TDRD6: variants seen among roughly 807,000 people sequenced by gnomAD.
TDRD6 encodes tudor domain containing 6.
A neutral mutation model predicts 157.5 loss-of-function variants in TDRD6; 186 were observed. The observed-to-expected ratio is 1.18, with a 90% CI of 1.05 to 1.33. The LOEUF is 1.33. Among genes scored for constraint, TDRD6 ranks in the 40% most tolerant of loss-of-function variants. The pLI, the probability that TDRD6 is intolerant of heterozygous loss-of-function variation, is 0.00. For missense variants in TDRD6, 3,066 were observed against 2,508.0 expected, an observed-to-expected ratio of 1.22 and a Z score of -4.75; for synonymous variants, 1,075 against 945.2, an observed-to-expected ratio of 1.14 and a Z score of -2.52.
At position 46,691,822 on chromosome 6, in the gene TDRD6, AAAAC is replaced by A; in HGVS notation, c.3699_3702del (p.Asn1234Ter). On this transcript the variant is annotated frameshift_variant, in exon 1 of 4. Transcript: ENST00000316081. LOFTEE classifies it high-confidence loss of function. ...ACTCAAACTTTTACAAAGTTTAACA[AAAAC>A]AAACTTAGTCACTCAATATCAAGAC... is the stretch of plus-strand genomic sequence containing the variant. 1.9e-6 allele frequency: 3 copies of A among 1,603,968 alleles called. No individual in the cohort carries two copies. The highest frequency in any genetic ancestry group is 2.7e-5 in the African/African-American group (2 of 74,240).
chr6:46,687,926 G>C lies in TDRD6; in HGVS notation c.-203G>C. 1.3e-6 allele frequency: 1 copy of C among 774,736 alleles called. No homozygotes were observed. Among genetic ancestry groups the C allele is most frequent in the Non-Finnish European group, 1.9e-6 (1 of 529,514 alleles). The allele number at this position is 774,736 out of a possible 1,614,324, so 48.0% of individuals were successfully genotyped here. ...CCTCGGGCGGTTGGAGGGGCTACCGGGTCTTACCAGTCCGTGGCGGGAGTC... is the reference window on the plus strand; with the variant it reads ...CCTCGGGCGGTTGGAGGGGCTACCGCGTCTTACCAGTCCGTGGCGGGAGTC... On this transcript the variant is annotated 5_prime_UTR_variant, in exon 1 of 4. Transcript: ENST00000316081.
chr6:46,702,022 A>G lies in TDRD6; in HGVS notation c.*135A>G. ...AGTTGTCATTTTCAAAAACTTCTAT[A>G]TAGGTGGAAAACAAATTAGGTCTCA... On this transcript the variant is annotated 3_prime_UTR_variant, in exon 4 of 4. Transcript: ENST00000316081. The G allele has an allele frequency of 4.1e-6, 4 of 974,994 alleles. No individual in the cohort carries two copies. The highest frequency in any genetic ancestry group is 6.2e-6 in the Non-Finnish European group (4 of 640,594). 60.4% of individuals were successfully genotyped at this position (974,994 alleles called of 1,614,324 possible).
chr6:46,689,603 A>G lies in TDRD6; in HGVS notation c.1475A>G (p.Gln492Arg). 1 of 1,614,174 alleles carries G rather than the reference A, an allele frequency of 6.2e-7. No individual in the cohort carries two copies. Among genetic ancestry groups the G allele is most frequent in the Non-Finnish European group, 8.5e-7 (1 of 1,180,032 alleles). Residue 492 changes from glutamine (Q) to arginine (R), a missense_variant, in exon 1 of 4, where the codon CAG becomes CGG. By Grantham distance (43) the Gln-to-Arg change is conservative. Transcript: ENST00000316081. Reference protein sequence around the residue: ...RLKMNAFYDAQVEFVKNPSEF... With the variant: ...RLKMNAFYDARVEFVKNPSEF... ...AAGATGAATGCCTTCTACGATGCGC[A>G]GGTAGAGTTTGTTAAAAATCCTTCT...
rs138848441 is a variant in TDRD6 at position 46,690,519 on chromosome 6, A to C, written c.2391A>C (p.Gly797=). The stretch of plus-strand genomic sequence containing the variant: ...GTCAGCTGACCAGGAACATACAAGG[A>C]CTTAAAACTCTAATGTCTGATATTC... ...FWCQLTRNIQ[G]LKTLMSDIQY... The change falls in exon 1 of 4, where the codon GGA becomes GGC. Residue 797 remains glycine (G), a synonymous_variant. Coordinates refer to ENST00000316081, the MANE Select transcript of TDRD6 (RefSeq NM_001010870.3). 1.3e-4 allele frequency: 213 copies of C among 1,614,066 alleles called. No homozygotes were observed. The highest frequency in any genetic ancestry group is 1.7e-4 in the Non-Finnish European group (196 of 1,180,048).
In TDRD6 at chr6:46,692,114, C is replaced by G; in HGVS notation, c.3986C>G (p.Ala1329Gly). The change falls in exon 1 of 4, where the codon GCT becomes GGT. Residue 1329 changes from alanine (A) to glycine (G), a missense_variant. By Grantham distance (60) the Ala-to-Gly change is moderately conservative. Coordinates refer to ENST00000316081, the MANE Select transcript of TDRD6 (RefSeq NM_001010870.3). ...TATGTTCAACTAATAGAAGATGAAG[C>G]TGAAATTAGTCATCTTTCAGAGAGA... ...DFYVQLIEDE[A>G]EISHLSERLN... 5 of 1,613,350 alleles carry G rather than the reference C, an allele frequency of 3.1e-6. No homozygotes were observed. Among genetic ancestry groups the G allele is most frequent in the Non-Finnish European group, 4.2e-6 (5 of 1,179,648 alleles).
intron 2 of TDRD6, among the ~76,000 whole-genome samples, chr6:46,697,683 T>G (rs1164923896): frequency 8.0e-6 from 1 of 124,276 alleles, no homozygotes; most frequent in Non-Finnish European, 1.8e-5. Context: ...GCCAAGGAGT[T>G]TGAGACCAGA....
intron 2 of TDRD6, among the ~76,000 whole-genome samples, chr6:46,696,802 G>A (rs569331689): frequency 1.7e-4 from 26 of 150,224 alleles, no homozygotes; most frequent in Non-Finnish European, 3.1e-4. Context: ...TAGTAGAGAC[G>A]GGGTTTCACC....
chr6:46,690,919 A>T lies in TDRD6; in HGVS notation c.2791A>T (p.Asn931Tyr), dbSNP rs766298927. The part of the protein sequence containing the change: ...KCTIFALASI[N>Y]EELFNIVDLL... ...TACAATATTTGCTCTGGCTTCAATT[A>T]ATGAAGAACTGTTTAACATTGTGGA... The change falls in exon 1 of 4, where the codon AAT becomes TAT. Residue 931 changes from asparagine to tyrosine, a missense_variant. Physicochemically the swap from Asn to Tyr is moderately radical, Grantham distance 143. Coordinates refer to ENST00000316081, the MANE Select transcript of TDRD6 (RefSeq NM_001010870.3). 1 of 1,614,108 alleles carries T rather than the reference A, an allele frequency of 6.2e-7. No individual in the cohort carries two copies. Among genetic ancestry groups the T allele is most frequent in the Non-Finnish European group, 8.5e-7 (1 of 1,179,982 alleles).
Position 46,701,880 on chromosome 6 carries a change from A to T in TDRD6, c.6284A>T (p.Glu2095Val). 6.2e-7 allele frequency: 1 copy of T among 1,612,744 alleles called. No individual in the cohort carries two copies. The highest frequency in any genetic ancestry group is 8.5e-7 in the Non-Finnish European group (1 of 1,179,034). The change falls in exon 4 of 4, where the codon GAG (glutamate) becomes GTG (valine). Residue 2095 changes from glutamate (E) to valine (V), a missense_variant. Glu to Val is a moderately radical substitution (Grantham distance 121). Transcript: ENST00000316081. ...PPEKRGLEVM[E>V]I is the part of the protein sequence containing the mutation. The stretch of plus-strand genomic sequence containing the variant: ...CAGAAAAGGGGTTTGGAGGTGATGG[A>T]GATTTAACCGTGGATCTATAGCTGT...
chr6:46,688,392 C>G lies in TDRD6; in HGVS notation c.264C>G (p.Ser88Arg), dbSNP rs1296758005. Residue 88 changes from serine (S) to arginine (R), a missense_variant, in exon 1 of 4, where the codon AGC (serine) becomes AGG (arginine). Physicochemically the swap from Ser to Arg is moderately radical, Grantham distance 110. Coordinates refer to ENST00000316081, the MANE Select transcript of TDRD6 (RefSeq NM_001010870.3). ...TGTGGCACCGCTGCCGCGTGGTCAG[C>G]CGGCAGGCACAGGAGAGCCGTGTCT... is the stretch of plus-strand genomic sequence containing the variant. ...GLLWHRCRVV[S>R]RQAQESRVFL... is the part of the protein sequence containing the mutation. 6.5e-6 allele frequency: 10 copies of G among 1,536,646 alleles called. No homozygotes were observed. The highest frequency in any genetic ancestry group is 8.7e-6 in the Non-Finnish European group (10 of 1,145,174).
intron 2 of TDRD6, among the ~76,000 whole-genome samples, chr6:46,696,810 A>G (rs944207182): frequency 6.7e-6 from 1 of 150,220 alleles, no homozygotes; most frequent in African/African-American, 2.5e-5. Flanking sequence ...ACGGGGTTTC[A>G]CCTTGTTAGC....
At chr6:46,697,014 T>C (rs1426306938) in intron 2 of TDRD6, among the ~76,000 whole-genome samples, 2 of 152,058 alleles carry the variant, frequency 1.3e-5, no homozygotes, top group African/African-American at 4.8e-5. Context: ...CCATTAAAAT[T>C]GGAGAGCCCC....
chr6:46,692,503 GA>G lies in TDRD6; in HGVS notation c.4377del (p.Val1460LeufsTer10). ...CEFVKFQDRW[E>X]VILADEHGII... ...ATTTGTTAAATTTCAAGACAGATGG[GA>G]AGTTATTCTTGCTGATGAACATGGG... On this transcript the variant is annotated frameshift_variant, in exon 1 of 4. Transcript: ENST00000316081. LOFTEE classifies it high-confidence loss of function. 2 of 1,613,774 alleles carry G rather than the reference GA, an allele frequency of 1.2e-6. No individual in the cohort carries two copies. The highest frequency in any genetic ancestry group is 1.7e-6 in the Non-Finnish European group (2 of 1,180,010).
upstream of TDRD6, among the ~76,000 whole-genome samples, chr6:46,683,737 T>A (rs1764017112): frequency 1.6e-5 from 1 of 62,740 alleles, no homozygotes; most frequent in Non-Finnish European, 3.2e-5. Flanking sequence ...TATTACATGT[T>A]TCCTGTGGTG....
At chr6:46,696,035 T>C (rs747171414) in intron 2 of TDRD6, 90 bp downstream of exon 2, 64 of 1,393,306 alleles carry the variant, frequency 4.6e-5, no homozygotes, top group Non-Finnish European at 6.1e-5. Flanking sequence ...AGAACGCGAT[T>C]GAACAAATGT....
upstream of TDRD6, among the ~76,000 whole-genome samples, chr6:46,684,395 C>G (rs548829848): frequency 4.0e-4 from 45 of 113,718 alleles, no homozygotes; most frequent in Non-Finnish European, 6.7e-4. Flanking sequence ...GTGTGTGTGT[C>G]ATTCCATGCA....
chr6:46,689,946 G>T lies in TDRD6; in HGVS notation c.1818G>T (p.Trp606Cys), dbSNP rs1764256338. The change falls in exon 1 of 4, where the codon TGG becomes TGT. Residue 606 changes from tryptophan (W) to cysteine (C), a missense_variant. Coordinates refer to ENST00000316081, the MANE Select transcript of TDRD6 (RefSeq NM_001010870.3). The stretch of plus-strand genomic sequence containing the variant: ...TGAAGTGCACCCTGGCTGATATTTG[G>T]CCTTTGGGAAAAACTTGGAGCCAGG... ...LAVKCTLADI[W>C]PLGKTWSQEA... 1 of 1,613,934 alleles carries T rather than the reference G, an allele frequency of 6.2e-7. No individual in the cohort carries two copies. Among genetic ancestry groups the T allele is most frequent in the African/African-American group, 1.3e-5 (1 of 74,896 alleles).
rs1279575935 is a variant in TDRD6 at position 46,690,514 on chromosome 6, C to T, written c.2386C>T (p.Gln796Ter). Residue 796 changes from glutamine to a stop codon, truncating the protein, a stop_gained, in exon 1 of 4, where the codon CAA becomes TAA. Coordinates refer to ENST00000316081, the MANE Select transcript of TDRD6 (RefSeq NM_001010870.3). LOFTEE classifies it high-confidence loss of function. ...YFWCQLTRNI[Q>*]GLKTLMSDIQ... Reference sequence around the variant, plus strand: ...CTGGTGTCAGCTGACCAGGAACATACAAGGACTTAAAACTCTAATGTCTGA... The same window carrying T: ...CTGGTGTCAGCTGACCAGGAACATATAAGGACTTAAAACTCTAATGTCTGA... 6.2e-7 allele frequency: 1 copy of T among 1,614,150 alleles called. No homozygotes were observed. The highest frequency in any genetic ancestry group is 1.1e-5 in the South Asian group (1 of 91,074).
At chr6:46,680,385 A>T in the TDRD6 span, among the ~76,000 whole-genome samples, 1 of 152,104 alleles carries the variant, frequency 6.6e-6, no homozygotes, top group Non-Finnish European at 1.5e-5. Context: ...TAACCTGTGT[A>T]TACCTAAAGG....
Sources: allele counts gnomAD v4.1 joint callset (sites outside exome capture counted in the v4.1 genomes callset), GRCh38; gene constraint gnomAD v4.1.1; transcripts MANE v1.5; gene names NCBI Gene and HGNC (gene_info 2026-07-23, HGNC 2026-07-21).